Variants in CD36 observed in about 807,000 individuals in gnomAD.
The protein encoded by CD36 is CD36 molecule (CD36 blood group).
CD36 carries 119 observed loss-of-function variants against 55.2 expected under a neutral mutation model. The ratio of observed to expected loss-of-function variants is 2.15; its 90% CI spans 1.86 to 2.51. CD36 has a LOEUF of 2.51. CD36 is among the 30% of genes most tolerant of loss of function. CD36 has a pLI of 0.00. For synonymous variants in CD36, 186 were observed against 193.6 expected (o/e 0.96, Z 0.33); for missense variants, 819 against 555.5 (o/e 1.47, Z -4.77).
At chr7:80,609,867 T>C (rs1026065077) in intron 1 of CD36, among the ~76,000 whole-genome samples, 6 of 152,180 alleles carry the variant, frequency 3.9e-5, no homozygotes, top group Non-Finnish European at 8.8e-5. Context: ...TGTGATCTGT[T>C]GGTGAAGGGA....
At chr7:80,670,586 G>A in intron 9 of CD36, 1 of 250,842 alleles carries the variant, frequency 4.0e-6, no homozygotes, top group Non-Finnish European at 7.8e-6. Context: ...AAATGTACCA[G>A]GTATATATCC....
At chr7:80,610,317 T>C (rs1250127655) in intron 1 of CD36, among the ~76,000 whole-genome samples, 1 of 152,168 alleles carries the variant, frequency 6.6e-6, no homozygotes, top group Non-Finnish European at 1.5e-5. Flanking sequence ...CTACCTAAGA[T>C]TTTTAGTCCC....
rs1798198958 is a variant in CD36 at position 80,677,495 on chromosome 7, A to G, written c.*1112A>G. 6.6e-6 allele frequency: 1 copy of G among 152,218 alleles called. No homozygotes were observed. The highest frequency in any genetic ancestry group is 2.4e-5 in the African/African-American group (1 of 41,446). The allele number at this position is 152,218 out of a possible 1,614,324, so 9.4% of individuals were successfully genotyped here. On this transcript the variant is annotated 3_prime_UTR_variant, in exon 15 of 15. Transcript: ENST00000447544. Reference sequence around the variant, plus strand: ...GCCAGAGTAAATGTTGAGCATTACTACAGAAAAGCCACAAACCAAGAATCT... The same window carrying G: ...GCCAGAGTAAATGTTGAGCATTACTGCAGAAAAGCCACAAACCAAGAATCT...
chr7:80,626,080 A>T (rs1486012010), intron 1 of CD36: 1 of 152,098 alleles, frequency 6.6e-6, no homozygotes, highest in Admixed American at 6.6e-5. Flanking sequence ...TTAAGGGATG[A>T]TGAAAGATCA....
Position 80,673,426 on chromosome 7 carries a change from G to T in CD36, c.1254+17G>T, listed in dbSNP as rs200818419. On this transcript the variant is annotated intron_variant, in intron 13 of 14. Coordinates refer to ENST00000447544, the MANE Select transcript of CD36 (RefSeq NM_001001548.3). ...CTTAATGAGGTTTGTATTTGCAGCT[G>T]TTAGTCATTAAAAACAACCTTCTTT... The T allele has an allele frequency of 1.1e-5, 16 of 1,507,524 alleles. No individual in the cohort carries two copies. Among genetic ancestry groups the T allele is most frequent in the Non-Finnish European group, 1.5e-5 (16 of 1,083,872 alleles). 93.4% of individuals were successfully genotyped at this position (1,507,524 alleles called of 1,614,324 possible). A position where few individuals can be genotyped will look rare whatever the true frequency, so the allele number is the denominator to read the frequency against.
rs1203007375 is a variant in CD36, at chr7:80,679,085, C to T, written c.*2702C>T. On this transcript the variant is annotated 3_prime_UTR_variant, in exon 15 of 15. Transcript: ENST00000447544. Reference sequence around the variant, plus strand: ...CGTCGCTTCTGGTTTCCTGCATATACCAATAGCATTACCTATGACTTTTTT... The same window carrying T: ...CGTCGCTTCTGGTTTCCTGCATATATCAATAGCATTACCTATGACTTTTTT... The T allele has an allele frequency of 2.0e-5, 3 of 152,010 alleles. No individual in the cohort carries two copies. The highest frequency in any genetic ancestry group is 2.9e-5 in the Non-Finnish European group (2 of 68,006). 9.4% of individuals were successfully genotyped at this position (152,010 alleles called of 1,614,324 possible).
At chr7:80,617,144 C>G (rs1793208612) in intron 1 of CD36, among the ~76,000 whole-genome samples, 1 of 151,938 alleles carries the variant, frequency 6.6e-6, no homozygotes, top group Non-Finnish European at 1.5e-5. Context: ...ATAGTAGGTC[C>G]TATTCTAATT....
intron 13 of CD36, 82 bp from the exon 14 acceptor site, chr7:80,673,900 GA>G: frequency 6.9e-6 from 7 of 1,019,400 alleles, no homozygotes; most frequent in Non-Finnish European, 9.1e-6. Flanking sequence ...AGAGGTGTTA[GA>G]AAAAAGGGTG....
chr7:80,602,915 A>G (rs1792322285), intron 1 of CD36, among the ~76,000 whole-genome samples: 1 of 152,178 alleles, frequency 6.6e-6, no homozygotes, highest in South Asian at 2.1e-4. Flanking sequence ...TGCTGTCACA[A>G]CTGACAAATA....
chr7:80,672,865 AT>A, intron 12 of CD36, 22 bp downstream of exon 12: 1 of 1,501,738 alleles, frequency 6.7e-7, no homozygotes, highest in South Asian at 1.1e-5. Context: ...GAAAATGGTT[AT>A]TTTGATATGA....
chr7:80,628,775 C>T (rs1793895732), intron 1 of CD36, among the ~76,000 whole-genome samples: 1 of 151,936 alleles, frequency 6.6e-6, no homozygotes, highest in South Asian at 2.1e-4. Flanking sequence ...TTAGGAAGAC[C>T]TGAGACATCA....
intron 1 of CD36, among the ~76,000 whole-genome samples, chr7:80,610,902 T>A (rs182969702): frequency 1.7e-4 from 26 of 149,450 alleles, no homozygotes; most frequent in African/African-American, 6.4e-4. Context: ...AGACAGGGTC[T>A]GCTCTCTCTG....
intron 1 of CD36, among the ~76,000 whole-genome samples, chr7:80,607,871 A>G (rs1253203458): frequency 1.3e-5 from 2 of 152,088 alleles, no homozygotes; most frequent in Non-Finnish European, 2.9e-5. Context: ...TCCCAGGTTC[A>G]AGCGATTCTC....
In CD36 at chr7:80,679,251, TAAA is replaced by T. The variant is rs1225188289; in HGVS notation, c.*2871_*2873del. The stretch of plus-strand genomic sequence containing the variant: ...CTGCATTTTAAAATATTTGTGAAAA[TAAA>T]AACTTTTGTTATTAGAAAAATGATT... On this transcript the variant is annotated 3_prime_UTR_variant, in exon 15 of 15. Coordinates refer to ENST00000447544, the MANE Select transcript of CD36 (RefSeq NM_001001548.3). 2.6e-5 allele frequency: 4 copies of T among 152,184 alleles called. No homozygotes were observed. Among genetic ancestry groups the T allele is most frequent in the Admixed American group, 2.6e-4 (4 of 15,276 alleles). The allele number at this position is 152,184 out of a possible 1,614,324, so 9.4% of individuals were successfully genotyped here.
chr7:80,670,301 A>G, intron 9 of CD36: 1 of 429,504 alleles, frequency 2.3e-6, no homozygotes, highest in Non-Finnish European at 4.3e-6. Flanking sequence ...AGACATACAG[A>G]GAAGATGATG....
At chr7:80,671,591 A>G (rs1238564673) in intron 10 of CD36, among the ~76,000 whole-genome samples, 1 of 152,088 alleles carries the variant, frequency 6.6e-6, no homozygotes, top group South Asian at 2.1e-4. Context: ...TTCAGTATGT[A>G]TCTAAAGCTA....
At chr7:80,643,946 C>A (rs750794890) in intron 1 of CD36, among the ~76,000 whole-genome samples, 4 of 152,034 alleles carry the variant, frequency 2.6e-5, no homozygotes, top group Non-Finnish European at 4.4e-5. Flanking sequence ...AATGGGCATT[C>A]AATAAAATAT....
intron 1 of CD36, among the ~76,000 whole-genome samples, chr7:80,622,953 C>CT (rs1226038471): frequency 6.6e-6 from 1 of 151,516 alleles, no homozygotes; most frequent in Non-Finnish European, 1.5e-5. Context: ...AAATCTATAG[C>CT]TAGACAACAG....
intron 1 of CD36, among the ~76,000 whole-genome samples, chr7:80,612,508 C>G (rs1015380280): frequency 6.6e-6 from 1 of 152,108 alleles, no homozygotes; most frequent in Non-Finnish European, 1.5e-5. Context: ...TGTAGATGAA[C>G]AGCATGCTAA....
Sources: allele counts gnomAD v4.1 joint callset (sites outside exome capture counted in the v4.1 genomes callset), GRCh38; gene constraint gnomAD v4.1.1; transcripts MANE v1.5; gene names NCBI Gene and HGNC (gene_info 2026-07-23, HGNC 2026-07-21).